The following BAZ2B variants were observed in gnomAD, a reference collection of about 807,000 sequenced individuals.
The protein encoded by BAZ2B is bromodomain adjacent to zinc finger domain 2B.
BAZ2B carries 91 observed loss-of-function variants against 246.0 expected under a neutral mutation model. The observed-to-expected ratio is 0.37, with a 90% CI of 0.31 to 0.44. The LOEUF is 0.44. Ranked by LOEUF, BAZ2B falls within the 20% of genes least tolerant of loss-of-function variation. The pLI, the probability that BAZ2B is intolerant of heterozygous loss-of-function variation, is 1.00. For missense variants in BAZ2B, 2,332 were observed against 2,533.7 expected, an observed-to-expected ratio of 0.92 and a Z score of 1.71; for synonymous variants, 855 against 860.0, an observed-to-expected ratio of 0.99 and a Z score of 0.10.
intron 2 of BAZ2B, among the ~76,000 whole-genome samples, chr2:159,499,003 C>T (rs941297358): frequency 6.6e-6 from 1 of 152,054 alleles, no homozygotes; most frequent in Non-Finnish European, 1.5e-5. Context: ...TACACCCTCT[C>T]TTTATTATTA....
intron 1 of BAZ2B, among the ~76,000 whole-genome samples, chr2:159,596,588 A>C (rs1293360244): frequency 6.6e-6 from 1 of 152,116 alleles, no homozygotes; most frequent in Non-Finnish European, 1.5e-5. Context: ...AGGTTTGGTT[A>C]CAAGAGTGGT....
At chr2:159,687,868 T>TGATGCATCAGCATG in the BAZ2B span, among the ~76,000 whole-genome samples, 1 of 152,098 alleles carries the variant, frequency 6.6e-6, no homozygotes, top group South Asian at 2.1e-4. Context: ...TAACTCTAGG[T>TGATGCATCAGCATG]GGATAGCATC....
At chr2:159,492,908 C>A (rs73008625) in intron 2 of BAZ2B, among the ~76,000 whole-genome samples, 1,750 of 152,276 alleles carry the variant, frequency 0.011, 42 homozygotes, top group African/African-American at 0.039. Flanking sequence ...TGTCAAAAAT[C>A]TCAGTTAATG....
intron 2 of BAZ2B, among the ~76,000 whole-genome samples, chr2:159,483,446 T>C (rs1252532261): frequency 6.6e-6 from 1 of 152,176 alleles, no homozygotes; most frequent in African/African-American, 2.4e-5. Context: ...ACTATCTGCC[T>C]GTCTTCGCCT....
intron 1 of BAZ2B, among the ~76,000 whole-genome samples, chr2:159,601,128 A>G (rs1247169582): frequency 1.3e-5 from 2 of 152,210 alleles, no homozygotes; most frequent in Non-Finnish European, 2.9e-5. Context: ...AGGAAAAAAT[A>G]TATGTAAACT....
chr2:159,704,935 C>T, the BAZ2B span, among the ~76,000 whole-genome samples: 1 of 151,890 alleles, frequency 6.6e-6, no homozygotes, highest in Non-Finnish European at 1.5e-5. Context: ...ATCTCCTGAC[C>T]TCGTGATCCG....
chr2:159,318,072 T>C (rs890718084), downstream of BAZ2B, among the ~76,000 whole-genome samples: 2 of 152,216 alleles, frequency 1.3e-5, no homozygotes, highest in Non-Finnish European at 2.9e-5. Flanking sequence ...TACTTTCTTA[T>C]TTATGAGCCC....
chr2:159,400,596 T>A lies in BAZ2B; in HGVS notation c.2898+3A>T. ...TTAATTATATTAAATTTAAGACTTCTACCTCTAGAATTTGCTGAGCTCGAA... is the reference window on the plus strand; with the variant it reads ...TTAATTATATTAAATTTAAGACTTCAACCTCTAGAATTTGCTGAGCTCGAA... On this transcript the variant is annotated splice_donor_region_variant and intron_variant, in intron 17 of 36. Coordinates refer to ENST00000392783, the MANE Select transcript of BAZ2B (RefSeq NM_013450.4). The A allele has an allele frequency of 6.5e-7, 1 of 1,538,320 alleles. No homozygotes were observed. The highest frequency in any genetic ancestry group is 8.9e-7 in the Non-Finnish European group (1 of 1,120,546).
chr2:159,457,492 C>T (rs1281809964), intron 3 of BAZ2B, among the ~76,000 whole-genome samples: 1 of 152,196 alleles, frequency 6.6e-6, no homozygotes, highest in Non-Finnish European at 1.5e-5. Flanking sequence ...GAACAAAAAG[C>T]TGTCTTGAGT....
intron 1 of BAZ2B, among the ~76,000 whole-genome samples, chr2:159,561,267 G>A (rs935974113): frequency 2.2e-4 from 34 of 152,172 alleles, no homozygotes; most frequent in African/African-American, 7.7e-4. Context: ...GGTTCTCTAG[G>A]GAATGGATTA....
intron 3 of BAZ2B, among the ~76,000 whole-genome samples, chr2:159,470,160 T>C (rs183954382): frequency 4.4e-4 from 67 of 152,210 alleles, no homozygotes; most frequent in African/African-American, 1.4e-3. Flanking sequence ...ATCAATGTAA[T>C]TTGCCAAAAT....
the BAZ2B span, among the ~76,000 whole-genome samples, chr2:159,678,725 AAC>A: frequency 2.0e-4 from 30 of 152,176 alleles, no homozygotes; most frequent in African/African-American, 6.3e-4. Flanking sequence ...TAGTTCTGTA[AAC>A]ATAAAAACAT....
chr2:159,392,387 A>G (rs2063451695), intron 20 of BAZ2B, among the ~76,000 whole-genome samples: 1 of 151,980 alleles, frequency 6.6e-6, no homozygotes, highest in Admixed American at 6.6e-5. Context: ...TACTTCAGAC[A>G]TGGTAGTACT....
chr2:159,553,782 A>G (rs969139759), intron 2 of BAZ2B, among the ~76,000 whole-genome samples: 3 of 152,138 alleles, frequency 2.0e-5, no homozygotes, highest in Non-Finnish European at 4.4e-5. Context: ...CTCTGAAACA[A>G]CCCATAATAT....
rs997212502 is a variant in BAZ2B at position 159,510,867 on chromosome 2, T to C, written c.-2-32146A>G. The stretch of plus-strand genomic sequence containing the variant: ...CAACTCATAATATTTTACTTACATA[T>C]CACTCATTAAGCAATTAATCTTATG... On this transcript the variant is annotated intron_variant, in intron 2 of 36. Coordinates refer to ENST00000392783, the MANE Select transcript of BAZ2B (RefSeq NM_013450.4). Among the ~76,000 whole-genome samples, 40 of 152,192 alleles carry C rather than the reference T, an allele frequency of 2.6e-4. 1 individual carries two copies. The highest frequency in any genetic ancestry group is 9.6e-4 in the African/African-American group (40 of 41,458).
At chr2:159,419,639 C>A (rs1240527072) in intron 13 of BAZ2B, 3 of 152,206 alleles carry the variant, frequency 2.0e-5, no homozygotes, top group African/African-American at 7.2e-5. Context: ...ACTGTTTCCA[C>A]AATGCTGACT....
In BAZ2B at chr2:159,386,755, G is replaced by A. The variant is rs571061840; in HGVS notation, c.3217-148C>T. On this transcript the variant is annotated intron_variant, in intron 21 of 36. Transcript: ENST00000392783. ...CTTCCTTTGGGATGCTAAATTCTCT[G>A]GGGGCATTTCTGTAACCCCCATGGA... is the stretch of plus-strand genomic sequence containing the variant. The A allele has an allele frequency of 3.4e-5, 32 of 932,408 alleles. No individual in the cohort carries two copies. The African/African-American group carries it at 5.2e-4, about 15-fold the overall frequency. 57.8% of individuals were successfully genotyped at this position (932,408 alleles called of 1,614,324 possible). A position where few individuals can be genotyped will look rare whatever the true frequency, so the allele number is the denominator to read the frequency against.
the BAZ2B span, among the ~76,000 whole-genome samples, chr2:159,647,302 G>A: frequency 6.6e-6 from 1 of 152,176 alleles, no homozygotes; most frequent in Admixed American, 6.5e-5. Flanking sequence ...GCAGACTCAA[G>A]ACCCAAGAAG....
intron 8 of BAZ2B, chr2:159,435,267 AC>A (rs1216892124): frequency 4.6e-5 from 7 of 151,510 alleles, no homozygotes; most frequent in Non-Finnish European, 8.9e-5. Flanking sequence ...GCTCGCAGCA[AC>A]CCCCACCTCC....
Sources: gnomAD v4.1 joint callset for allele counts (sites outside exome capture counted in the v4.1 genomes callset) on GRCh38, gnomAD v4.1.1 for gene constraint, MANE v1.5 for transcripts, NCBI Gene and HGNC (gene_info 2026-07-23, HGNC 2026-07-21) for gene names.